IL4R: variants seen among roughly 807,000 people sequenced by gnomAD.
The protein encoded by IL4R is interleukin-4 receptor subunit alpha.
In IL4R, 17 loss-of-function variants were observed where a neutral mutation model predicts 41.5. The observed-to-expected ratio is 0.41, with a 90% CI of 0.28 to 0.61. The LOEUF is 0.61. Ranked by LOEUF, IL4R falls within the 20% of genes least tolerant of loss-of-function variation. The pLI is 0.31. For missense variants in IL4R, 974 were observed against 1,043.1 expected, an observed-to-expected ratio of 0.93 and a Z score of 0.91; for synonymous variants, 402 against 422.9, an observed-to-expected ratio of 0.95 and a Z score of 0.61.
intron 10 of IL4R, among the ~76,000 whole-genome samples, chr16:27,361,508 A>G (rs1233345871): frequency 6.6e-6 from 1 of 151,756 alleles, no homozygotes. Context: ...TTGCCCCGCC[A>G]CTGTGGCCTC....
At chr16:27,342,865 A>G (rs1047072287) in intron 4 of IL4R, among the ~76,000 whole-genome samples, 3 of 152,202 alleles carry the variant, frequency 2.0e-5, no homozygotes, top group Non-Finnish European at 4.4e-5. Context: ...CAATTACATG[A>G]TCACAGGTCA....
chr16:27,364,039 TC>T lies in IL4R; in HGVS notation c.*212del. The T allele has an allele frequency of 1.7e-6, 1 of 598,648 alleles. No individual in the cohort carries two copies. Among genetic ancestry groups the T allele is most frequent in the Non-Finnish European group, 2.9e-6 (1 of 345,398 alleles). The allele number at this position is 598,648 out of a possible 1,614,324, so 37.1% of individuals were successfully genotyped here. A position where few individuals can be genotyped will look rare whatever the true frequency, so the allele number is the denominator to read the frequency against. ...CCAGCATTGGGCTGGGCTCGCCACATCCCATGAGAGTAGAGGGCACTGGGTC... is the reference window on the plus strand; with the variant it reads ...CCAGCATTGGGCTGGGCTCGCCACATCCATGAGAGTAGAGGGCACTGGGTC... On this transcript the variant is annotated 3_prime_UTR_variant, in exon 11 of 11. Transcript: ENST00000395762.
At chr16:27,352,454 G>A in intron 6 of IL4R, 86 bp from the exon 7 acceptor site, 1 of 1,102,346 alleles carries the variant, frequency 9.1e-7, no homozygotes, top group South Asian at 1.4e-5. Flanking sequence ...TAAACATGGT[G>A]GGGTCAGCTA....
chr16:27,316,422 C>T (rs2084653463), intron 1 of IL4R, among the ~76,000 whole-genome samples: 1 of 152,134 alleles, frequency 6.6e-6, no homozygotes, highest in Non-Finnish European at 1.5e-5. Context: ...TCTACCTCCC[C>T]CATCTCCCTG....
chr16:27,344,382 A>G (rs1437569841), intron 4 of IL4R, among the ~76,000 whole-genome samples: 2 of 141,638 alleles, frequency 1.4e-5, no homozygotes, highest in Non-Finnish European at 3.1e-5. Flanking sequence ...AAAAAAAAAA[A>G]GGAAATTGTG....
intron 4 of IL4R, among the ~76,000 whole-genome samples, chr16:27,343,652 TCCTGAA>T (rs1450104629): frequency 2.0e-5 from 3 of 152,160 alleles, no homozygotes; most frequent in African/African-American, 4.8e-5. Context: ...GGTCTCGAAC[TCCTGAA>T]CTCAGGTGAT....
At chr16:27,322,136 G>A (rs1194193228) in intron 1 of IL4R, among the ~76,000 whole-genome samples, 23 of 146,994 alleles carry the variant, frequency 1.6e-4, no homozygotes, top group Non-Finnish European at 3.0e-4. Flanking sequence ...ACCTCCCACC[G>A]TAATACAATT....
chr16:27,360,841 C>A (rs995930153), intron 10 of IL4R, 26 bp downstream of exon 10: 1 of 1,614,018 alleles, frequency 6.2e-7, no homozygotes, highest in Non-Finnish European at 8.5e-7. Context: ...TAGGTCACAG[C>A]CTGCATGCAT....
chr16:27,317,034 GC>G (rs1349456947), intron 1 of IL4R, among the ~76,000 whole-genome samples: 14 of 151,958 alleles, frequency 9.2e-5, no homozygotes, highest in Non-Finnish European at 1.5e-4. Context: ...CTCCTGAGTA[GC>G]TGGGACTACA....
chr16:27,348,655 T>C lies in IL4R; in HGVS notation c.513+2037T>C, dbSNP rs2141164084. ...CTAATAAGAGTCCTAAGGCTGCTGCTCAGTGGCCTGGCTTCGATGCTGTGC... is the reference window on the plus strand; with the variant it reads ...CTAATAAGAGTCCTAAGGCTGCTGCCCAGTGGCCTGGCTTCGATGCTGTGC... On this transcript the variant is annotated intron_variant, in intron 6 of 10. Transcript: ENST00000395762. Among the ~76,000 whole-genome samples, 3 of 152,312 alleles carry C rather than the reference T, an allele frequency of 2.0e-5. No individual in the cohort carries two copies. The Middle Eastern group carries it at 0.01, about 518-fold the overall frequency.
At position 27,363,658 on chromosome 16, in the gene IL4R, T is replaced by C; in HGVS notation, c.2306T>C (p.Val769Ala). The C allele has an allele frequency of 6.2e-7, 1 of 1,611,496 alleles. No individual in the cohort carries two copies. ...LRAPDPSPGG[V>A]PLEASLCPAS... is the part of the protein sequence containing the mutation. ...GCCCCAGACCCCTCTCCAGGTGGGGTTCCACTGGAGGCCAGTCTGTGTCCG... is the reference window on the plus strand; with the variant it reads ...GCCCCAGACCCCTCTCCAGGTGGGGCTCCACTGGAGGCCAGTCTGTGTCCG... The change falls in exon 11 of 11, where the codon GTT (valine) becomes GCT (alanine). Residue 769 changes from valine (V) to alanine (A), a missense_variant. Val to Ala is a moderately conservative substitution (Grantham distance 64). Coordinates refer to ENST00000395762, the MANE Select transcript of IL4R (RefSeq NM_000418.4).
chr16:27,319,624 T>C (rs1325203396), intron 1 of IL4R, among the ~76,000 whole-genome samples: 1 of 152,200 alleles, frequency 6.6e-6, no homozygotes, highest in African/African-American at 2.4e-5. Flanking sequence ...TCATTTTACA[T>C]ATTATTTTAT....
At chr16:27,340,792 G>A (rs137897572) in intron 3 of IL4R, among the ~76,000 whole-genome samples, 4 of 152,168 alleles carry the variant, frequency 2.6e-5, no homozygotes, top group African/African-American at 7.2e-5. Context: ...TGGGTGGAGT[G>A]GGGGGGATTG....
chr16:27,336,490 A>C (rs890972147), intron 2 of IL4R, among the ~76,000 whole-genome samples: 2 of 151,664 alleles, frequency 1.3e-5, no homozygotes, highest in African/African-American at 4.8e-5. Flanking sequence ...CAGCCTGGGC[A>C]ACATAATGAG....
intron 6 of IL4R, among the ~76,000 whole-genome samples, chr16:27,349,406 C>T (rs1473030266): frequency 6.6e-6 from 1 of 152,140 alleles, no homozygotes; most frequent in East Asian, 1.9e-4. Context: ...CATTCATTCC[C>T]CTAGATAATT....
intron 1 of IL4R, among the ~76,000 whole-genome samples, chr16:27,327,505 T>C (rs1315666797): frequency 6.6e-6 from 1 of 152,192 alleles, no homozygotes; most frequent in Non-Finnish European, 1.5e-5. Context: ...ATTTCCTGGC[T>C]GCGGCCTTCA....
At chr16:27,314,868 T>C (rs1184461130) in intron 1 of IL4R, among the ~76,000 whole-genome samples, 4 of 152,206 alleles carry the variant, frequency 2.6e-5, no homozygotes, top group Non-Finnish European at 4.4e-5. Flanking sequence ...AAATTTATTT[T>C]ATAAAGATGG....
intron 2 of IL4R, among the ~76,000 whole-genome samples, chr16:27,333,959 T>A (rs1376557149): frequency 6.6e-6 from 1 of 152,010 alleles, no homozygotes; most frequent in East Asian, 1.9e-4. Context: ...CTTGGCTCAC[T>A]GCAAGCTCCG....
intron 2 of IL4R, among the ~76,000 whole-genome samples, chr16:27,338,372 C>T (rs762069689): frequency 7.2e-5 from 11 of 151,838 alleles, no homozygotes; most frequent in Non-Finnish European, 1.2e-4. Flanking sequence ...CATGCACCAC[C>T]GTGCCTGGCT....
Sources: gnomAD v4.1 joint callset for allele counts (sites outside exome capture counted in the v4.1 genomes callset) on GRCh38, gnomAD v4.1.1 for gene constraint, MANE v1.5 for transcripts, NCBI Gene and HGNC (gene_info 2026-07-23, HGNC 2026-07-21) for gene names.